Variants in SPAG16 observed in about 807,000 individuals in gnomAD.
SPAG16 encodes the protein sperm-associated antigen 16 protein.
SPAG16 carries 86 observed loss-of-function variants against 80.4 expected under a neutral mutation model. That is an observed-to-expected ratio of 1.07 (90% confidence interval 0.90 to 1.28). The LOEUF is 1.28. SPAG16 is among the 50% of genes most tolerant of loss of function. SPAG16 has a pLI of 0.00. For synonymous variants in SPAG16, 294 were observed against 265.9 expected (o/e 1.11, Z -1.03); for missense variants, 870 against 765.3 (o/e 1.14, Z -1.61).
intron 10 of SPAG16, among the ~76,000 whole-genome samples, chr2:213,845,933 A>G (rs2074600071): frequency 6.6e-6 from 1 of 152,180 alleles, no homozygotes; most frequent in Non-Finnish European, 1.5e-5. Context: ...TCTTCTCATG[A>G]TGAAAGTGGG....
intron 12 of SPAG16, among the ~76,000 whole-genome samples, chr2:213,949,179 T>TTTTTTTTTTTTTTTTTTGTTTTTTTTG (rs1553677674): frequency 2.8e-5 from 1 of 36,244 alleles, no homozygotes; most frequent in African/African-American, 8.2e-5. Flanking sequence ...GTTTTTTTTT[T>TTTTTTTTTTTTTTTTTTGTTTTTTTTG]TTTTTTTTTT....
intron 10 of SPAG16, among the ~76,000 whole-genome samples, chr2:213,625,903 T>G (rs2061944560): frequency 6.6e-6 from 1 of 152,060 alleles, no homozygotes; most frequent in African/African-American, 2.4e-5. Flanking sequence ...TGAGCCAGGC[T>G]GGTCTCAAAC....
chr2:213,718,149 C>CAAAAAAAAAAAAAAAA (rs71063769), intron 10 of SPAG16, among the ~76,000 whole-genome samples: 4 of 92,244 alleles, frequency 4.3e-5, no homozygotes, highest in Admixed American at 1.3e-4. Flanking sequence ...AACAAGTTTA[C>CAAAAAAAAAAAAAAAA]AAAAAAAAAA....
At chr2:213,948,283 A>G (rs553268085) in intron 12 of SPAG16, among the ~76,000 whole-genome samples, 26 of 152,178 alleles carry the variant, frequency 1.7e-4, no homozygotes, top group Admixed American at 3.9e-4. Context: ...ACACACACAG[A>G]TAAACAGACA....
intron 10 of SPAG16, among the ~76,000 whole-genome samples, chr2:213,723,403 C>T (rs1043490870): frequency 6.6e-6 from 1 of 152,160 alleles, no homozygotes; most frequent in African/African-American, 2.4e-5. Flanking sequence ...TTCTATAATC[C>T]ATGCTACGCC....
chr2:213,284,670 T>C, intron 1 of SPAG16, 51 bp downstream of exon 1: 1 of 1,568,784 alleles, frequency 6.4e-7, no homozygotes, highest in Non-Finnish European at 8.6e-7. Context: ...TAATGGGTGT[T>C]GGGACGAAGG....
At chr2:213,968,954 A>T (rs1300735811) in intron 12 of SPAG16, among the ~76,000 whole-genome samples, 1 of 152,248 alleles carries the variant, frequency 6.6e-6, no homozygotes, top group Non-Finnish European at 1.5e-5. Flanking sequence ...AATAATATCC[A>T]TACAAAGAGT....
intron 14 of SPAG16, among the ~76,000 whole-genome samples, chr2:214,148,567 G>T (rs2055780585): frequency 6.6e-6 from 1 of 152,054 alleles, no homozygotes; most frequent in Admixed American, 6.6e-5. Context: ...AACTTCACCT[G>T]GTCCCTGTCA....
chr2:214,323,998 G>A (rs1696297153), intron 15 of SPAG16, among the ~76,000 whole-genome samples: 1 of 152,062 alleles, frequency 6.6e-6, no homozygotes, highest in Non-Finnish European at 1.5e-5. Context: ...ATGATTAAAA[G>A]GTCTGATCTT....
chr2:214,051,972 T>C (rs1369002253), intron 13 of SPAG16, among the ~76,000 whole-genome samples: 2 of 152,238 alleles, frequency 1.3e-5, no homozygotes, highest in African/African-American at 4.8e-5. Context: ...TTTCCCTTTT[T>C]TCTTCCTATG....
At chr2:213,839,373 A>C (rs187949477) in intron 10 of SPAG16, among the ~76,000 whole-genome samples, 182 of 152,342 alleles carry the variant, frequency 1.2e-3, no homozygotes, top group African/African-American at 4.2e-3. Context: ...CTCTACATAT[A>C]TGAGAAAACA....
Position 213,852,719 on chromosome 2 carries a change from A to G in SPAG16, c.1071-9766A>G, listed in dbSNP as rs74796742. Among the ~76,000 whole-genome samples, 983 of 152,224 alleles carry G rather than the reference A, an allele frequency of 6.5e-3. 10 individuals carry two copies. Among genetic ancestry groups the G allele is most frequent in the African/African-American group, 0.021 (893 of 41,536 alleles). ...CAAAAATAACATTCTCCCCCAAATT[A>G]TTATATCACTTTACTACATTTTCTT... is the stretch of plus-strand genomic sequence containing the variant. On this transcript the variant is annotated intron_variant, in intron 10 of 15. Transcript: ENST00000331683.
intron 12 of SPAG16, among the ~76,000 whole-genome samples, chr2:213,978,081 T>C (rs531592679): frequency 7.9e-4 from 120 of 152,078 alleles, no homozygotes; most frequent in Non-Finnish European, 1.5e-3. Flanking sequence ...CTTTTAACTT[T>C]TCTGGAGTCT....
chr2:213,870,168 A>G (rs2075891637), intron 11 of SPAG16, among the ~76,000 whole-genome samples: 1 of 152,152 alleles, frequency 6.6e-6, no homozygotes, highest in East Asian at 1.9e-4. Context: ...GCTGTTGCAC[A>G]TTGAAGAGCA....
chr2:213,405,106 G>C (rs1252281145), intron 9 of SPAG16, among the ~76,000 whole-genome samples: 3 of 152,208 alleles, frequency 2.0e-5, no homozygotes, highest in East Asian at 1.9e-4. Flanking sequence ...TTTCACTACT[G>C]TCGAGTGTAA....
intron 13 of SPAG16, among the ~76,000 whole-genome samples, chr2:214,053,574 C>T (rs185360783): frequency 2.6e-5 from 4 of 152,154 alleles, no homozygotes; most frequent in African/African-American, 9.7e-5. Flanking sequence ...ACAACCAATT[C>T]ACTCAACAGG....
chr2:214,233,190 A>T (rs1009632350), intron 15 of SPAG16, among the ~76,000 whole-genome samples: 1 of 152,048 alleles, frequency 6.6e-6, no homozygotes, highest in African/African-American at 2.4e-5. Context: ...GCCCCTGGAA[A>T]TAGAAAGTGG....
rs559280702 is a variant in SPAG16 at position 213,485,138 on chromosome 2, G to T, written c.943-4825G>T. Among the ~76,000 whole-genome samples, 537 of 151,812 alleles carry T rather than the reference G, an allele frequency of 3.5e-3. 5 individuals carry two copies. Among genetic ancestry groups the T allele is most frequent in the Non-Finnish European group, 5.0e-3 (338 of 67,994 alleles). On this transcript the variant is annotated intron_variant, in intron 9 of 15. Coordinates refer to ENST00000331683, the MANE Select transcript of SPAG16 (RefSeq NM_024532.5). ...GCCCCCCAAGTAGCTGGGAGTACAG[G>T]TGGGAGCCACCATGCCTGGCTAATT...
intron 10 of SPAG16, among the ~76,000 whole-genome samples, chr2:213,617,585 G>T (rs987536531): frequency 2.6e-5 from 4 of 152,140 alleles, no homozygotes; most frequent in Admixed American, 6.5e-5. Context: ...CAGGCAATCT[G>T]CCCACCTTGG....
Sources: allele counts gnomAD v4.1 joint callset (sites outside exome capture counted in the v4.1 genomes callset), GRCh38; gene constraint gnomAD v4.1.1; transcripts MANE v1.5; gene names NCBI Gene and HGNC (gene_info 2026-07-23, HGNC 2026-07-21).